The following COL5A2 variants were observed in gnomAD, a reference collection of about 807,000 sequenced individuals.
COL5A2 encodes the protein collagen alpha-2(V) chain.
COL5A2 carries 23 observed loss-of-function variants against 208.2 expected under a neutral mutation model. That is an observed-to-expected ratio of 0.11 (90% confidence interval 0.08 to 0.16). The LOEUF is 0.16. COL5A2 is among the 10% of genes least tolerant of loss of function. The probability of loss-of-function intolerance (pLI) is 1.00; values close to 1 mark genes in which losing one functional copy is unlikely to be tolerated. For missense variants in COL5A2, 1,590 were observed against 1,956.4 expected, an observed-to-expected ratio of 0.81 and a Z score of 3.53; for synonymous variants, 625 against 628.5, an observed-to-expected ratio of 0.99 and a Z score of 0.08.
At position 189,217,391 on chromosome 2, in the gene COL5A2, T is replaced by C. The variant is rs940809489; in HGVS notation, c.-42+7757A>G. Among the ~76,000 whole-genome samples, 3 of 152,222 alleles carry C rather than the reference T, an allele frequency of 2.0e-5. No homozygotes were observed. In the East Asian group the frequency reaches 5.8e-4, roughly 29 times the overall value. On this transcript the variant is annotated intron_variant, in intron 1 of 10. Coordinates refer to the COL5A2 transcript ENST00000649966. Reference sequence around the variant, plus strand: ...ATAAATTAAGGCCACTCTGGCTTCCTTTTTGTCATTCTTTCCTTTGTGGTC... The same window carrying C: ...ATAAATTAAGGCCACTCTGGCTTCCCTTTTGTCATTCTTTCCTTTGTGGTC...
chr2:189,323,136 A>G, the COL5A2 span, among the ~76,000 whole-genome samples: 1 of 152,076 alleles, frequency 6.6e-6, no homozygotes, highest in Non-Finnish European at 1.5e-5. Flanking sequence ...CATGCTGAAA[A>G]CTCTCAATAA....
At chr2:189,269,868 G>T in the COL5A2 span, among the ~76,000 whole-genome samples, 5 of 152,048 alleles carry the variant, frequency 3.3e-5, no homozygotes, top group Non-Finnish European at 7.4e-5. Context: ...ATCTGGTCCT[G>T]GGCTTTTTTG....
chr2:189,064,514 C>T (rs1409530304), intron 25 of COL5A2, 43 bp downstream of exon 25: 1 of 1,357,110 alleles, frequency 7.4e-7, no homozygotes, highest in Non-Finnish European at 1.1e-6. Context: ...TGCTCAGGAG[C>T]ACTTCTCCCC....
At chr2:189,164,018 T>C (rs1010690003) in intron 1 of COL5A2, among the ~76,000 whole-genome samples, 9 of 152,332 alleles carry the variant, frequency 5.9e-5, no homozygotes, top group African/African-American at 2.2e-4. Context: ...TATCTTTAAC[T>C]GCATGTTTCT....
At chr2:189,304,112 C>T in the COL5A2 span, among the ~76,000 whole-genome samples, 5 of 152,100 alleles carry the variant, frequency 3.3e-5, no homozygotes, top group South Asian at 1.0e-3. Context: ...GTTTTTTTCC[C>T]ATTGCCTTTC....
chr2:189,386,421 C>G, the COL5A2 span, among the ~76,000 whole-genome samples: 2 of 151,906 alleles, frequency 1.3e-5, no homozygotes, highest in Non-Finnish European at 2.9e-5. Context: ...TTGGCATTGG[C>G]AAATAATTTA....
intron 1 of COL5A2, among the ~76,000 whole-genome samples, chr2:189,217,227 T>A (rs1233666447): frequency 2.6e-5 from 4 of 152,118 alleles, no homozygotes; most frequent in African/African-American, 9.7e-5. Context: ...GGACTAGAGG[T>A]CATAAATTCC....
At chr2:189,179,431 C>T in intron 1 of COL5A2, 77 bp downstream of exon 1, 2 of 1,520,352 alleles carry the variant, frequency 1.3e-6, no homozygotes, top group South Asian at 1.2e-5. Flanking sequence ...TCTTCACGCT[C>T]TTCCTGAGGC....
At chr2:189,108,164 C>T (rs1687186612) in intron 2 of COL5A2, among the ~76,000 whole-genome samples, 1 of 151,562 alleles carries the variant, frequency 6.6e-6, no homozygotes, top group South Asian at 2.1e-4. Context: ...ATTTACAATC[C>T]CATCTGTCAC....
At chr2:189,129,986 A>T (rs1031380388) in intron 1 of COL5A2, among the ~76,000 whole-genome samples, 1 of 152,016 alleles carries the variant, frequency 6.6e-6, no homozygotes, top group African/African-American at 2.4e-5. Context: ...TATTCTAGAA[A>T]TCTTTTTGGC....
chr2:189,052,665 T>C, intron 40 of COL5A2, 84 bp downstream of exon 40: 1 of 1,317,996 alleles, frequency 7.6e-7, no homozygotes, highest in Non-Finnish European at 1.1e-6. Context: ...CAGTCTCAGA[T>C]GAAAATTATC....
the COL5A2 span, among the ~76,000 whole-genome samples, chr2:189,341,930 G>A: frequency 4.8e-4 from 73 of 152,024 alleles, 1 homozygote; most frequent in African/African-American, 1.6e-3. Context: ...CTTTGTATCC[G>A]TATCACAGTC....
At chr2:189,166,977 A>C (rs1688476655) in intron 1 of COL5A2, among the ~76,000 whole-genome samples, 1 of 152,220 alleles carries the variant, frequency 6.6e-6, no homozygotes, top group Non-Finnish European at 1.5e-5. Flanking sequence ...TTTGAAAGAA[A>C]ATCTGGGAAA....
At chr2:189,437,053 G>A in the COL5A2 span, among the ~76,000 whole-genome samples, 1,334 of 152,210 alleles carry the variant, frequency 8.8e-3, 20 homozygotes, top group African/African-American at 0.03. Context: ...AAGTCTGAAC[G>A]AGATAGTCTT....
intron 1 of COL5A2, among the ~76,000 whole-genome samples, chr2:189,211,987 C>T (rs914000752): frequency 6.6e-6 from 1 of 152,176 alleles, no homozygotes. Flanking sequence ...AGGACAACCC[C>T]AAAATAGCTG....
intron 52 of COL5A2, among the ~76,000 whole-genome samples, chr2:189,035,439 C>T (rs547294602): frequency 1.3e-5 from 2 of 152,108 alleles, no homozygotes; most frequent in South Asian, 2.1e-4. Flanking sequence ...ATCTGCTTCA[C>T]TCATGTATCA....
chr2:189,239,068 A>G, the COL5A2 span, among the ~76,000 whole-genome samples: 1 of 152,130 alleles, frequency 6.6e-6, no homozygotes, highest in Non-Finnish European at 1.5e-5. Flanking sequence ...AGTCATCCCA[A>G]ATGAACTTTG....
At chr2:189,066,023 AT>A (rs1686140784) in intron 23 of COL5A2, among the ~76,000 whole-genome samples, 1 of 152,142 alleles carries the variant, frequency 6.6e-6, no homozygotes, top group South Asian at 2.1e-4. Flanking sequence ...TGTGTATGGC[AT>A]TTTTTAAAGT....
the COL5A2 span, among the ~76,000 whole-genome samples, chr2:189,434,846 C>CA: frequency 7.2e-5 from 11 of 152,164 alleles, no homozygotes; most frequent in African/African-American, 2.4e-4. Context: ...CATATGGAAC[C>CA]AAAAAAGAGC....
Sources: allele counts gnomAD v4.1 joint callset (sites outside exome capture counted in the v4.1 genomes callset), GRCh38; gene constraint gnomAD v4.1.1; transcripts MANE v1.5; gene names NCBI Gene and HGNC (gene_info 2026-07-23, HGNC 2026-07-21).